Variants in LRRD1 observed in about 807,000 individuals in gnomAD.
The protein encoded by LRRD1 is leucine rich repeats and death domain containing 1.
Under a neutral mutation model 69.5 loss-of-function variants are expected in LRRD1, and 49 were observed. The observed-to-expected ratio is 0.70, with a 90% confidence interval of 0.56 to 0.89. The LOEUF (loss-of-function observed/expected upper bound fraction) is 0.89. Among genes scored for constraint, LRRD1 ranks in the 40% least tolerant of loss-of-function variants. LRRD1 has a pLI of 0.00. For synonymous variants in LRRD1, 303 were observed against 338.9 expected, an observed-to-expected ratio of 0.89 and a Z score of 1.16; for missense variants, 853 against 956.0, an observed-to-expected ratio of 0.89 and a Z score of 1.42.
chr7:92,168,230 T>C lies in LRRD1; in HGVS notation c.-74-2954A>G, dbSNP rs75140000. 2.3e-3 allele frequency among the ~76,000 whole-genome samples: 343 copies of C among 152,314 alleles called. 2 individuals carry two copies. Among genetic ancestry groups the C allele is most frequent in the Middle Eastern group, 3.4e-3 (1 of 294 alleles). ...CCAAGCATACAATTTTTTATTGTGA[T>C]TCAGTTTCTAGAATGGGAAAGTGAG... On this transcript the variant is annotated intron_variant, in intron 1 of 5. Coordinates refer to ENST00000458448, the MANE Select transcript of LRRD1 (RefSeq NM_001161528.2).
chr7:92,152,140 AGTGT>A lies in LRRD1; in HGVS notation c.2117-1449_2117-1446del, dbSNP rs71528038. ...AAGATCTGGATACGATGCTTCTGGG[AGTGT>A]GTGTGTGTGTGTGTGTGTGTGTGTG... On this transcript the variant is annotated intron_variant, in intron 3 of 5. Coordinates refer to ENST00000458448, the MANE Select transcript of LRRD1 (RefSeq NM_001161528.2). 5.2e-3 allele frequency among the ~76,000 whole-genome samples: 744 copies of A among 142,840 alleles called. 2 individuals carry two copies. Among genetic ancestry groups the A allele is most frequent in the Middle Eastern group, 0.022 (6 of 272 alleles). The allele number at this position is 142,840 out of a possible 152,430, so 93.7% of individuals were successfully genotyped here.
Position 92,164,512 on chromosome 7 carries a change from A to C in LRRD1, c.691T>G (p.Ser231Ala), listed in dbSNP as rs546196613. The change falls in exon 2 of 6, where the codon TCT becomes GCT. Residue 231 changes from serine (S) to alanine (A), a missense_variant. Physicochemically the swap from Ser to Ala is moderately conservative, Grantham distance 99 (BLOSUM62 1). Coordinates refer to ENST00000458448, the MANE Select transcript of LRRD1 (RefSeq NM_001161528.2). ...NHISHIPKEISQLGNIRQLFF... is the reference protein window; with the variant it reads ...NHISHIPKEIAQLGNIRQLFF... Reference sequence around the variant, plus strand: ...AGTTGTCTGATATTCCCAAGCTGAGATATTTCTTTAGGTATATGTGATATG... The same window carrying C: ...AGTTGTCTGATATTCCCAAGCTGAGCTATTTCTTTAGGTATATGTGATATG... 2.3e-5 allele frequency: 35 copies of C among 1,549,852 alleles called. No individual in the cohort carries two copies. The African/African-American group carries it at 4.5e-4, about 20-fold the overall frequency.
downstream of LRRD1, chr7:92,142,488 G>A (rs1361982746): frequency 2.2e-6 from 1 of 456,750 alleles, no homozygotes; most frequent in Non-Finnish European, 4.4e-6. Context: ...ATCTTCCATA[G>A]TAGCTCTGCA....
rs144404645 is a variant in LRRD1 at position 92,151,733 on chromosome 7, G to A, written c.2117-1038C>T. On this transcript the variant is annotated intron_variant, in intron 3 of 5. Transcript: ENST00000458448. ...GGAGGCCGAGGTGGGTGGATCACCT[G>A]AGGTCAGGGGTTCAAGACCAGCCTG... Among the ~76,000 whole-genome samples, 65 of 152,200 alleles carry A rather than the reference G, an allele frequency of 4.3e-4. No individual in the cohort carries two copies. The East Asian group carries it at 0.012, about 27-fold the overall frequency.
At chr7:92,149,687 A>T (rs1780201512) in intron 4 of LRRD1, among the ~76,000 whole-genome samples, 1 of 151,980 alleles carries the variant, frequency 6.6e-6, no homozygotes, top group Admixed American at 6.6e-5. Flanking sequence ...TTTTCCCTCA[A>T]GGCCGAATGT....
At chr7:92,144,691 G>A (rs1436994936), downstream of LRRD1, among the ~76,000 whole-genome samples, 3 of 146,094 alleles carry the variant, frequency 2.1e-5, no homozygotes, top group Non-Finnish European at 4.5e-5. Flanking sequence ...TAAGACAACA[G>A]AACAAACACA....
In LRRD1 at chr7:92,164,343, A is replaced by G; in HGVS notation, c.860T>C (p.Leu287Ser). The change falls in exon 2 of 6, where the codon TTG becomes TCG. Residue 287 changes from leucine to serine, a missense_variant. Physicochemically the swap from Leu to Ser is moderately radical, Grantham distance 145 (BLOSUM62 -2). This residue lies in a region of LRRD1 where 739 missense variants were observed against 808.0 expected (regional missense o/e 0.91). Coordinates refer to ENST00000458448, the MANE Select transcript of LRRD1 (RefSeq NM_001161528.2). ...PSLKTLRVLN[L>S]EYNQLTTFPK... ...AAATGTTGTTAACTGATTATATTCC[A>G]AATTGAGAACCCTCAAGGTTTTTAA... is the stretch of plus-strand genomic sequence containing the variant. The G allele has an allele frequency of 6.4e-7, 1 of 1,550,474 alleles. No individual in the cohort carries two copies. The highest frequency in any genetic ancestry group is 8.7e-7 in the Non-Finnish European group (1 of 1,146,566).
intron 1 of LRRD1, among the ~76,000 whole-genome samples, chr7:92,171,123 C>T (rs950618475): frequency 1.1e-4 from 16 of 151,626 alleles, no homozygotes; most frequent in South Asian, 2.1e-4. Context: ...AATGATGTAC[C>T]TCAAAGAAAT....
chr7:92,146,612 CTCA>C (rs1247168631), intron 4 of LRRD1, among the ~76,000 whole-genome samples: 1 of 74,288 alleles, frequency 1.3e-5, no homozygotes, highest in Non-Finnish European at 2.5e-5. Context: ...GCAAGACTGT[CTCA>C]AAAAAAAAAA....
At chr7:92,178,757 A>G (rs1045193757) in intron 1 of LRRD1, 1 of 152,378 alleles carries the variant, frequency 6.6e-6, no homozygotes, top group African/African-American at 2.4e-5. Flanking sequence ...TTTAACAAAT[A>G]TTAATAAAGT....
At chr7:92,174,555 T>C (rs1789151939) in intron 1 of LRRD1, among the ~76,000 whole-genome samples, 1 of 128,140 alleles carries the variant, frequency 7.8e-6, no homozygotes, top group Admixed American at 8.2e-5. Context: ...AGTTTTGCTC[T>C]TGTTGCCCAT....
chr7:92,146,044 G>T, intron 5 of LRRD1, 39 bp downstream of exon 5: 1 of 1,058,642 alleles, frequency 9.4e-7, no homozygotes, highest in South Asian at 1.7e-5. Context: ...ACATCAGAAT[G>T]AGAATAAATT....
chr7:92,149,183 G>T (rs1047567337), intron 4 of LRRD1, among the ~76,000 whole-genome samples: 5 of 152,188 alleles, frequency 3.3e-5, no homozygotes, highest in Admixed American at 2.6e-4. Context: ...GCCTCTAAAT[G>T]ATAGCCATGT....
intron 3 of LRRD1, among the ~76,000 whole-genome samples, chr7:92,153,846 T>A (rs1162329376): frequency 1.3e-5 from 2 of 151,804 alleles, no homozygotes; most frequent in Non-Finnish European, 2.9e-5. Context: ...AATAAAAAAA[T>A]TTTAAAAAGC....
intron 1 of LRRD1, among the ~76,000 whole-genome samples, chr7:92,175,943 T>C (rs1171690102): frequency 6.6e-6 from 1 of 152,240 alleles, no homozygotes; most frequent in African/African-American, 2.4e-5. Flanking sequence ...TTCAGTTCTA[T>C]TCCTTTTTAT....
chr7:92,157,648 C>A (rs1427874149), intron 3 of LRRD1, among the ~76,000 whole-genome samples: 1 of 151,952 alleles, frequency 6.6e-6, no homozygotes, highest in Admixed American at 6.6e-5. Context: ...CAGCTCATTG[C>A]AACCCCCGCC....
chr7:92,162,905 T>TTA (rs1267698903), intron 2 of LRRD1, among the ~76,000 whole-genome samples: 1 of 152,176 alleles, frequency 6.6e-6, no homozygotes. Flanking sequence ...ATGCCCGTAG[T>TTA]TATAATACAA....
At chr7:92,156,589 AT>A (rs1252278537) in intron 3 of LRRD1, among the ~76,000 whole-genome samples, 1 of 152,138 alleles carries the variant, frequency 6.6e-6, no homozygotes, top group Non-Finnish European at 1.5e-5. Flanking sequence ...ATTTCCAATC[AT>A]TTCTTGCTAG....
intron 1 of LRRD1, among the ~76,000 whole-genome samples, chr7:92,173,694 G>A (rs1378252389): frequency 6.6e-6 from 1 of 152,176 alleles, no homozygotes; most frequent in Non-Finnish European, 1.5e-5. Flanking sequence ...TGCTGGCGAG[G>A]ATGTGAAGAA....
Sources: gnomAD v4.1 joint callset for allele counts (sites outside exome capture counted in the v4.1 genomes callset) on GRCh38, gnomAD v4.1.1 for gene constraint, gnomAD v4.1.1 regional missense constraint, MANE v1.5 for transcripts, NCBI Gene and HGNC (gene_info 2026-07-23, HGNC 2026-07-21) for gene names.